Variants in OC90 observed in about 807,000 individuals in gnomAD.
The protein encoded by OC90 is otoconin 90, also known as otoconin-90.
Under a neutral mutation model 47.3 loss-of-function variants are expected in OC90, and 46 were observed. The observed-to-expected ratio is 0.97, with a 90% confidence interval of 0.77 to 1.24. OC90 has a LOEUF of 1.24. Ranked by LOEUF, OC90 falls within the 50% of genes most tolerant of loss-of-function variation. The pLI, the probability that OC90 is intolerant of heterozygous loss-of-function variation, is 0.00. For missense variants in OC90, 688 were observed against 583.9 expected (o/e 1.18, Z -1.84); for synonymous variants, 271 against 219.5 (o/e 1.23, Z -2.07).
rs1473163105 is a variant in OC90 at position 132,041,558 on chromosome 8, T to C, written c.311A>G (p.Glu104Gly). 2 of 1,612,896 alleles carry C rather than the reference T, an allele frequency of 1.2e-6. No individual in the cohort carries two copies. The highest frequency in any genetic ancestry group is 2.7e-5 in the African/African-American group (2 of 74,802). Reference protein sequence around the residue: ...FEDYGCTCRFEMEGLPVDESD... With the variant: ...FEDYGCTCRFGMEGLPVDESD... ...TTCATCCACAGGCAACCCTTCCATC[T>C]CAAACCTGCAGGTGCAACCATAGTC... Residue 104 changes from glutamate (E) to glycine (G), a missense_variant, in exon 5 of 14, where the codon GAG (glutamate) becomes GGG (glycine). Coordinates refer to ENST00000254627, the MANE Select transcript of OC90 (RefSeq NM_001080399.3).
At chr8:132,053,619 T>C (rs1298353084) in intron 2 of OC90, among the ~76,000 whole-genome samples, 2 of 152,210 alleles carry the variant, frequency 1.3e-5, no homozygotes, top group African/African-American at 4.8e-5. Context: ...AAAACCCACC[T>C]TTTTCCTCAG....
chr8:132,032,964 G>A (rs766478147), intron 11 of OC90, 75 bp downstream of exon 11: 9 of 1,502,290 alleles, frequency 6.0e-6, no homozygotes, highest in Middle Eastern at 2.0e-4. Flanking sequence ...GTGTGAAAAG[G>A]TGGCCTACGG....
At position 132,024,697 on chromosome 8, in the gene OC90, A is replaced by G; in HGVS notation, c.1218T>C (p.Phe406=). The change falls in exon 14 of 14, where the codon TTT becomes TTC. Residue 406 remains phenylalanine, a synonymous_variant. Transcript: ENST00000254627. ...TAAECMTSAS[F]NQSLKSPSRL... is the part of the protein sequence containing the mutation. Reference sequence around the variant, plus strand: ...TGCTTGGGGACTTGAGGCTTTGGTTAAAGGAGGCAGAGGTCATGCACTCAG... The same window carrying G: ...TGCTTGGGGACTTGAGGCTTTGGTTGAAGGAGGCAGAGGTCATGCACTCAG... The G allele has an allele frequency of 6.2e-7, 1 of 1,613,768 alleles. No homozygotes were observed. Among genetic ancestry groups the G allele is most frequent in the Non-Finnish European group, 8.5e-7 (1 of 1,179,814 alleles).
chr8:132,028,845 A>C, intron 13 of OC90, among the ~76,000 whole-genome samples: 1 of 150,046 alleles, frequency 6.7e-6, no homozygotes. Flanking sequence ...AAGAAAAGGA[A>C]AGAAGGAAAG....
rs1554613374 is a variant in OC90, at chr8:132,028,684, AAG to A, written c.1138+387_1138+388del. Among the ~76,000 whole-genome samples the A allele has an allele frequency of 1.3e-3, 72 of 56,246 alleles. 1 individual carries two copies. Among genetic ancestry groups the A allele is most frequent in the African/African-American group, 4.2e-3 (61 of 14,430 alleles). 36.9% of individuals were successfully genotyped at this position (56,246 alleles called of 152,430 possible). A position where few individuals can be genotyped will look rare whatever the true frequency, so the allele number is the denominator to read the frequency against. ...AAAGAAAGAGAGACAGAAAGAAAGA[AAG>A]AGAAAGAAAGAAAGAGAGACAGAAA... On this transcript the variant is annotated intron_variant, in intron 13 of 13. Coordinates refer to ENST00000254627, the MANE Select transcript of OC90 (RefSeq NM_001080399.3).
intron 1 of OC90, 80 bp from the exon 2 acceptor site, chr8:132,055,153 T>G: frequency 1.3e-6 from 1 of 741,362 alleles, no homozygotes; most frequent in Non-Finnish European, 2.2e-6. Flanking sequence ...CCATGTCCTT[T>G]CTTGGTCCCA....
At chr8:132,035,906 C>G (rs1822952337) in intron 9 of OC90, among the ~76,000 whole-genome samples, 1 of 152,164 alleles carries the variant, frequency 6.6e-6, no homozygotes, top group Non-Finnish European at 1.5e-5. Flanking sequence ...ACATAGGAGG[C>G]CCTCAACAAG....
At chr8:132,049,683 GAC>G in intron 2 of OC90, 1 of 388,128 alleles carries the variant, frequency 2.6e-6, no homozygotes. Flanking sequence ...CCTGAGGACT[GAC>G]AGCCCTTTCC....
chr8:132,028,651 G>GA (rs1822810100), intron 13 of OC90, among the ~76,000 whole-genome samples: 1 of 122,138 alleles, frequency 8.2e-6, no homozygotes, highest in South Asian at 2.8e-4. Context: ...AGGAAGGAAG[G>GA]AAGAAAGAAA....
Position 132,044,542 on chromosome 8 carries a change from T to C in OC90, c.113-53A>G, listed in dbSNP as rs115553341. 1,087 of 986,078 alleles carry C rather than the reference T, an allele frequency of 1.1e-3. 12 individuals carry two copies. The African/African-American group carries it at 0.015, about 13-fold the overall frequency. 61.1% of individuals were successfully genotyped at this position (986,078 alleles called of 1,614,324 possible). A position where few individuals can be genotyped will look rare whatever the true frequency, so the allele number is the denominator to read the frequency against. On this transcript the variant is annotated intron_variant, in intron 3 of 13. Transcript: ENST00000254627. The stretch of plus-strand genomic sequence containing the variant: ...AGTCTTGGTTTTTCCTTTTTTTCAC[T>C]TCCCTGTCCACCCTCTAGGTAAAGT...
intron 2 of OC90, among the ~76,000 whole-genome samples, chr8:132,048,229 G>T (rs1005062030): frequency 1.2e-4 from 19 of 152,306 alleles, no homozygotes; most frequent in African/African-American, 4.6e-4. Context: ...AAATTTGACA[G>T]AATTGAAAAG....
chr8:132,055,342 T>A (rs1823267308), intron 1 of OC90, among the ~76,000 whole-genome samples: 1 of 152,202 alleles, frequency 6.6e-6, no homozygotes, highest in Non-Finnish European at 1.5e-5. Flanking sequence ...CTGTATTTAC[T>A]GATTGATTCC....
At chr8:132,028,097 T>C (rs1822784813) in intron 13 of OC90, among the ~76,000 whole-genome samples, 1 of 152,164 alleles carries the variant, frequency 6.6e-6, no homozygotes. Context: ...GCTTGGGCTA[T>C]TTACGTTAGT....
At chr8:132,050,847 G>A (rs929623131) in intron 2 of OC90, among the ~76,000 whole-genome samples, 8 of 151,990 alleles carry the variant, frequency 5.3e-5, no homozygotes, top group African/African-American at 1.4e-4. Context: ...CTAAAAATAC[G>A]AAATAAACTG....
intron 1 of OC90, among the ~76,000 whole-genome samples, chr8:132,055,400 A>G (rs1341118768): frequency 6.6e-6 from 1 of 152,220 alleles, no homozygotes; most frequent in Non-Finnish European, 1.5e-5. Flanking sequence ...CAAAGGATTG[A>G]GGATCCAGGA....
intron 2 of OC90, among the ~76,000 whole-genome samples, chr8:132,053,546 G>A (rs1823244692): frequency 1.3e-5 from 2 of 152,150 alleles, no homozygotes; most frequent in South Asian, 4.1e-4. Context: ...ATGTCTATTG[G>A]TGCTTTAGAA....
At chr8:132,041,292 G>C in intron 5 of OC90, 136 bp from the exon 6 acceptor site, 1 of 670,186 alleles carries the variant, frequency 1.5e-6, no homozygotes, top group Non-Finnish European at 2.6e-6. Flanking sequence ...CTAAAATGAA[G>C]TTTTGCATAA....
intron 2 of OC90, among the ~76,000 whole-genome samples, chr8:132,050,533 G>T (rs1367770710): frequency 6.6e-6 from 1 of 152,172 alleles, no homozygotes; most frequent in East Asian, 1.9e-4. Flanking sequence ...GATGGAAATA[G>T]ACACTGAACA....
intron 6 of OC90, among the ~76,000 whole-genome samples, chr8:132,040,346 C>A (rs1344056100): frequency 6.6e-6 from 1 of 152,202 alleles, no homozygotes; most frequent in Admixed American, 6.5e-5. Flanking sequence ...TATAAGCCTA[C>A]AGCACATAAT....
Sources: gnomAD v4.1 joint callset for allele counts (sites outside exome capture counted in the v4.1 genomes callset) on GRCh38, gnomAD v4.1.1 for gene constraint, MANE v1.5 for transcripts, NCBI Gene and HGNC (gene_info 2026-07-23, HGNC 2026-07-21) for gene names.